Variants in ZNF479 observed in about 807,000 individuals in gnomAD.
The protein encoded by ZNF479 is zinc finger protein 479.
Under a neutral mutation model 14.7 loss-of-function variants are expected in ZNF479, and 15 were observed. That is an observed-to-expected ratio of 1.02 (90% confidence interval 0.68 to 1.57). ZNF479 has a LOEUF of 1.57. Ranked by LOEUF, ZNF479 falls within the 40% of genes most tolerant of loss-of-function variation. The pLI is 0.00. For synonymous variants in ZNF479, 145 were observed against 211.5 expected (o/e 0.69, Z 2.73); for missense variants, 506 against 615.1 (o/e 0.82, Z 1.88).
intron 1 of ZNF479, among the ~76,000 whole-genome samples, chr7:57,128,713 T>A (rs139279221): frequency 6.6e-6 from 1 of 152,208 alleles, no homozygotes; most frequent in African/African-American, 2.4e-5. Context: ...TTGACTATCA[T>A]AAAAATCACA....
At chr7:57,131,591 A>C (rs189893638) in intron 1 of ZNF479, among the ~76,000 whole-genome samples, 1,898 of 137,614 alleles carry the variant, frequency 0.014, 122 homozygotes, top group Middle Eastern at 0.029. Flanking sequence ...AACAAACAAA[A>C]AAAAAACATT....
upstream of ZNF479, among the ~76,000 whole-genome samples, chr7:57,135,578 AATTTTTGT>A: frequency 6.6e-6 from 1 of 151,856 alleles, no homozygotes; most frequent in South Asian, 2.1e-4. Flanking sequence ...ACACCTGGCT[AATTTTTGT>A]ATTTTTAGTA....
At chr7:57,132,044 A>G (rs561356291) in intron 1 of ZNF479, among the ~76,000 whole-genome samples, 1 of 152,250 alleles carries the variant, frequency 6.6e-6, no homozygotes, top group East Asian at 1.9e-4. Context: ...AGCAAACCAG[A>G]GAGGCCTCCA....
chr7:57,132,410 C>A lies in ZNF479; in HGVS notation c.-86G>T. On this transcript the variant is annotated 5_prime_UTR_variant, in exon 1 of 4. Coordinates refer to ENST00000319636, the MANE Select transcript of ZNF479 (RefSeq NM_001370129.2). ...CACAGAGCAGTGAAGAGGAGAACTGCAGCTCTGGACGCAGAGAAACACAAA... is the reference window on the plus strand; with the variant it reads ...CACAGAGCAGTGAAGAGGAGAACTGAAGCTCTGGACGCAGAGAAACACAAA... 6.2e-7 allele frequency: 1 copy of A among 1,602,618 alleles called. No individual in the cohort carries two copies.
chr7:57,137,573 A>G (rs1203354774), intron 1 of ZNF479, among the ~76,000 whole-genome samples: 1 of 152,210 alleles, frequency 6.6e-6, no homozygotes. Context: ...ACTCAAAGGA[A>G]GTATTGACTC....
intron 3 of ZNF479, among the ~76,000 whole-genome samples, chr7:57,125,670 A>C (rs572562280): frequency 1.1e-4 from 16 of 151,778 alleles, no homozygotes; most frequent in African/African-American, 3.6e-4. Context: ...ATGCAAAAAA[A>C]AATTTTAATG....
intron 3 of ZNF479, 132 bp downstream of exon 3, chr7:57,125,886 A>G: frequency 8.0e-7 from 1 of 1,253,766 alleles, no homozygotes; most frequent in Non-Finnish European, 1.1e-6. Flanking sequence ...AGCAAAAGAA[A>G]AAAATGACTT....
Position 57,120,074 on chromosome 7 carries a change from G to A in ZNF479, c.1341C>T (p.Ser447=). 1 of 1,611,684 alleles carries A rather than the reference G, an allele frequency of 6.2e-7. No homozygotes were observed. The highest frequency in any genetic ancestry group is 2.2e-5 in the East Asian group (1 of 44,578). The change falls in exon 4 of 4, where the codon AGC becomes AGT. Residue 447 remains serine, a synonymous_variant. Coordinates refer to ENST00000319636, the MANE Select transcript of ZNF479 (RefSeq NM_001370129.2). ...YKCEECGKAF[S]LSSTLTDHKR... is the part of the protein sequence containing the mutation. ...TGTGGTCAGTGAGGGTTGAGGATAA[G>A]CTAAAGGCTTTGCCACATTCTTCAC...
chr7:57,139,160 C>T (rs1786771068), intron 1 of ZNF479, among the ~76,000 whole-genome samples: 1 of 152,324 alleles, frequency 6.6e-6, no homozygotes, highest in South Asian at 2.1e-4. Context: ...GATTGTGACT[C>T]TCATATGCAC....
At chr7:57,122,056 C>T (rs1785976750) in intron 3 of ZNF479, among the ~76,000 whole-genome samples, 1 of 151,894 alleles carries the variant, frequency 6.6e-6, no homozygotes, top group East Asian at 1.9e-4. Flanking sequence ...AGAAGCTAAA[C>T]AAACAAACTA....
intron 3 of ZNF479, among the ~76,000 whole-genome samples, chr7:57,125,325 A>G (rs1786111439): frequency 6.6e-6 from 1 of 152,028 alleles, no homozygotes; most frequent in African/African-American, 2.4e-5. Flanking sequence ...AGATACAGCC[A>G]TCATAAAAAC....
upstream of ZNF479, among the ~76,000 whole-genome samples, chr7:57,132,692 G>C (rs1248176218): frequency 6.6e-6 from 1 of 152,164 alleles, no homozygotes; most frequent in Admixed American, 6.5e-5. Flanking sequence ...TGTGTATAAT[G>C]TCATATGCAT....
At position 57,127,301 on chromosome 7, in the gene ZNF479, G is replaced by T. The variant is rs1215527054; in HGVS notation, c.40-583C>A. 2.0e-5 allele frequency among the ~76,000 whole-genome samples: 3 copies of T among 152,130 alleles called. No individual in the cohort carries two copies. The East Asian group carries it at 5.8e-4, about 29-fold the overall frequency. On this transcript the variant is annotated intron_variant, in intron 1 of 3. Transcript: ENST00000319636. ...GCCTCCCAAAGTGCTGGGATGGCAG[G>T]CATGAGCCACTGCGCCTGGCCGGAC...
chr7:57,138,173 A>G (rs1786730241), intron 1 of ZNF479, among the ~76,000 whole-genome samples: 1 of 152,210 alleles, frequency 6.6e-6, no homozygotes, highest in Admixed American at 6.5e-5. Context: ...CATTAGGCCC[A>G]GCTCACAGGT....
chr7:57,127,934 T>C (rs1403545098), intron 1 of ZNF479, among the ~76,000 whole-genome samples: 1 of 74,516 alleles, frequency 1.3e-5, no homozygotes, highest in African/African-American at 6.3e-5. Context: ...TATATATATA[T>C]ATATTTTTTT....
At position 57,123,721 on chromosome 7, in the gene ZNF479, C is replaced by T. The variant is rs143323890; in HGVS notation, c.262+2297G>A. Among the ~76,000 whole-genome samples the T allele has an allele frequency of 7.7e-3, 1,170 of 151,012 alleles. 26 individuals carry two copies. The highest frequency in any genetic ancestry group is 0.027 in the African/African-American group (1,084 of 40,484). ...TGTGGGGTATGCCTCTAGTGCCAGC[C>T]GCTCAGTAGGCCAAGGTGAAAGGAT... is the stretch of plus-strand genomic sequence containing the variant. On this transcript the variant is annotated intron_variant, in intron 3 of 3. Transcript: ENST00000319636.
In ZNF479 at chr7:57,120,009, T is replaced by A. The variant is rs1785834989; in HGVS notation, c.1406A>T (p.Glu469Val). The change falls in exon 4 of 4, where the codon GAA becomes GTA. Residue 469 changes from glutamate to valine, a missense_variant. Physicochemically the swap from Glu to Val is moderately radical, Grantham distance 121. Around this residue, in one of 3 missense-constraint regions of ZNF479, gnomAD observed 72 missense variants for 97.6 expected, o/e 0.74. Transcript: ENST00000319636. ...HTGERPYTCE[E>V]CGKAFNCSST... ...GGAGCAATTAAAGGCTTTGCCACATTCTTCACATGTGTAGGGTCTCTCTCC... is the reference window on the plus strand; with the variant it reads ...GGAGCAATTAAAGGCTTTGCCACATACTTCACATGTGTAGGGTCTCTCTCC... The A allele has an allele frequency of 6.2e-7, 1 of 1,613,556 alleles. No individual in the cohort carries two copies. The highest frequency in any genetic ancestry group is 1.7e-5 in the Admixed American group (1 of 59,950).
intron 3 of ZNF479, among the ~76,000 whole-genome samples, chr7:57,122,006 GA>G: frequency 6.6e-6 from 1 of 151,852 alleles, no homozygotes; most frequent in Non-Finnish European, 1.5e-5. Flanking sequence ...AAGAATAACT[GA>G]AAAAATTTTA....
intron 1 of ZNF479, 104 bp from the exon 2 acceptor site, chr7:57,126,822 G>T (rs1202498448): frequency 9.7e-6 from 12 of 1,235,800 alleles, no homozygotes; most frequent in Non-Finnish European, 1.4e-5. Flanking sequence ...AGAGTAAAAA[G>T]AAGTGGTTCT....
Sources: allele counts gnomAD v4.1 joint callset (sites outside exome capture counted in the v4.1 genomes callset), GRCh38; gene constraint gnomAD v4.1.1; regional missense constraint gnomAD v4.1.1; transcripts MANE v1.5; gene names NCBI Gene and HGNC (gene_info 2026-07-23, HGNC 2026-07-21).